TACR1: variants seen among roughly 807,000 people sequenced by gnomAD.
TACR1 encodes substance-P receptor.
In TACR1, 25 loss-of-function variants were observed where a neutral mutation model predicts 35.8. The observed-to-expected ratio is 0.70, with a 90% CI of 0.51 to 0.98. TACR1 has a LOEUF of 0.98. Among genes scored for constraint, TACR1 ranks in the 50% least tolerant of loss-of-function variants. TACR1 has a pLI of 0.00. For missense variants in TACR1, 478 were observed against 522.9 expected (o/e 0.91, Z 0.84); for synonymous variants, 195 against 206.7 (o/e 0.94, Z 0.48).
intron 2 of TACR1, among the ~76,000 whole-genome samples, chr2:75,117,616 T>G (rs111368530): frequency 2.3e-4 from 35 of 152,312 alleles, no homozygotes; most frequent in African/African-American, 8.4e-4. Context: ...CGACTTACAA[T>G]AGGGTTAGAT....
intron 1 of TACR1, among the ~76,000 whole-genome samples, chr2:75,121,303 C>T (rs1344435724): frequency 1.3e-5 from 2 of 152,190 alleles, no homozygotes; most frequent in Non-Finnish European, 1.5e-5. Flanking sequence ...AACAACAGCT[C>T]CTGGAGAAAT....
At chr2:75,132,007 A>G (rs1674187399) in intron 1 of TACR1, among the ~76,000 whole-genome samples, 2 of 152,228 alleles carry the variant, frequency 1.3e-5, no homozygotes, top group Admixed American at 6.5e-5. Context: ...ATTCATTTCT[A>G]TAAAAGCCAG....
Position 75,049,290 on chromosome 2 carries a change from T to A in TACR1, c.*142A>T. ...GAGATTTTTTGACTCAAGGATGGAA[T>A]GTTTTCCCTAACCCATACTGACCCT... On this transcript the variant is annotated 3_prime_UTR_variant, in exon 5 of 5. Transcript: ENST00000305249. 1.1e-6 allele frequency: 1 copy of A among 893,772 alleles called. No individual in the cohort carries two copies. Among genetic ancestry groups the A allele is most frequent in the Non-Finnish European group, 1.7e-6 (1 of 600,524 alleles). 55.4% of individuals were successfully genotyped at this position (893,772 alleles called of 1,614,324 possible). A position where few individuals can be genotyped will look rare whatever the true frequency, so the allele number is the denominator to read the frequency against.
intron 2 of TACR1, among the ~76,000 whole-genome samples, chr2:75,062,486 C>CA (rs1672689754): frequency 6.6e-6 from 1 of 152,092 alleles, no homozygotes; most frequent in Non-Finnish European, 1.5e-5. Flanking sequence ...ATTTCTATAA[C>CA]AAAATTTTTA....
intron 2 of TACR1, among the ~76,000 whole-genome samples, chr2:75,115,457 T>C (rs1158638419): frequency 6.6e-6 from 1 of 152,182 alleles, no homozygotes; most frequent in East Asian, 1.9e-4. Flanking sequence ...TAGTCTATTT[T>C]TGAGATTTTA....
intron 1 of TACR1, among the ~76,000 whole-genome samples, chr2:75,151,547 A>C (rs1260832975): frequency 6.6e-6 from 1 of 152,194 alleles, no homozygotes; most frequent in East Asian, 1.9e-4. Context: ...CTTTGCCTAG[A>C]TTTAGGAAGA....
chr2:75,073,200 C>T, intron 2 of TACR1, among the ~76,000 whole-genome samples: 1 of 152,236 alleles, frequency 6.6e-6, no homozygotes. Context: ...TCCACCTACT[C>T]ACAATCACCC....
chr2:75,117,857 G>C (rs558980412), intron 2 of TACR1, among the ~76,000 whole-genome samples: 9 of 152,104 alleles, frequency 5.9e-5, no homozygotes, highest in Non-Finnish European at 1.0e-4. Context: ...CAGAATGGTC[G>C]TATGAATACT....
intron 1 of TACR1, among the ~76,000 whole-genome samples, chr2:75,176,131 C>G (rs1247556455): frequency 6.6e-6 from 1 of 151,776 alleles, no homozygotes; most frequent in Non-Finnish European, 1.5e-5. Context: ...GATTCATCCT[C>G]TATCCTAATG....
chr2:75,104,923 G>C (rs1311724197), intron 2 of TACR1, among the ~76,000 whole-genome samples: 1 of 151,968 alleles, frequency 6.6e-6, no homozygotes, highest in Non-Finnish European at 1.5e-5. Flanking sequence ...GGGAATACTT[G>C]TGCATGGTTG....
intron 1 of TACR1, among the ~76,000 whole-genome samples, chr2:75,156,575 C>T (rs4853114): frequency 0.35 from 50,993 of 147,710 alleles, 9,199 homozygotes; most frequent in Admixed American, 0.41. Flanking sequence ...TGCCCTCCAG[C>T]CTGGGTAACA....
At chr2:75,144,174 A>G (rs755617072) in intron 1 of TACR1, among the ~76,000 whole-genome samples, 2 of 152,218 alleles carry the variant, frequency 1.3e-5, no homozygotes, top group Admixed American at 6.5e-5. Context: ...GTGGTCTTAC[A>G]TAAGTATACA....
At chr2:75,118,316 C>T (rs996591430) in intron 2 of TACR1, among the ~76,000 whole-genome samples, 4 of 152,134 alleles carry the variant, frequency 2.6e-5, no homozygotes, top group Non-Finnish European at 4.4e-5. Context: ...AAGTGAATGA[C>T]AAATATACTA....
At chr2:75,178,757 TCC>T (rs2104039921) in intron 1 of TACR1, among the ~76,000 whole-genome samples, 1 of 152,318 alleles carries the variant, frequency 6.6e-6, no homozygotes, top group East Asian at 1.9e-4. Context: ...CGTAGGTACT[TCC>T]TTCTTCCCGA....
At chr2:75,101,868 C>G (rs1350224785) in intron 2 of TACR1, among the ~76,000 whole-genome samples, 1 of 152,030 alleles carries the variant, frequency 6.6e-6, no homozygotes, top group Non-Finnish European at 1.5e-5. Context: ...TGCTTGAACC[C>G]TGGAGGTGGA....
intron 1 of TACR1, chr2:75,187,693 G>T (rs1269110388): frequency 6.6e-6 from 1 of 152,256 alleles, no homozygotes; most frequent in Non-Finnish European, 1.5e-5. Context: ...TGGATTGGCT[G>T]TGAAGGGAAT....
At chr2:75,152,884 CCAAGA>C (rs1187673530) in intron 1 of TACR1, among the ~76,000 whole-genome samples, 1 of 152,124 alleles carries the variant, frequency 6.6e-6, no homozygotes, top group Non-Finnish European at 1.5e-5. Context: ...AAAGATGGGG[CCAAGA>C]CTTCTTTTTT....
chr2:75,103,272 T>C (rs1353643928), intron 2 of TACR1, among the ~76,000 whole-genome samples: 2 of 152,102 alleles, frequency 1.3e-5, no homozygotes, highest in Non-Finnish European at 2.9e-5. Context: ...ATATACAAGA[T>C]GAGCCTGGAG....
intron 1 of TACR1, among the ~76,000 whole-genome samples, chr2:75,162,859 C>A (rs1675044720): frequency 6.6e-6 from 1 of 152,190 alleles, no homozygotes; most frequent in Non-Finnish European, 1.5e-5. Context: ...ATCCCAGTTA[C>A]AATCTGCTAT....
Sources: allele counts gnomAD v4.1 joint callset (sites outside exome capture counted in the v4.1 genomes callset), GRCh38; gene constraint gnomAD v4.1.1; transcripts MANE v1.5; gene names NCBI Gene and HGNC (gene_info 2026-07-23, HGNC 2026-07-21).